Variants in KIF13A observed in about 807,000 individuals in gnomAD.
KIF13A encodes kinesin family member 13A, also known as kinesin-like protein KIF13A.
A neutral mutation model predicts 212.2 loss-of-function variants in KIF13A; 79 were observed. That is an observed-to-expected ratio of 0.37 (90% CI 0.31 to 0.45). KIF13A has a LOEUF of 0.45. Ranked by LOEUF, KIF13A falls within the 20% of genes least tolerant of loss-of-function variation. The pLI is 1.00. For synonymous variants in KIF13A, 789 were observed against 808.6 expected, an observed-to-expected ratio of 0.98 and a Z score of 0.41; for missense variants, 1,901 against 2,209.0, an observed-to-expected ratio of 0.86 and a Z score of 2.79.
chr6:17,975,409 T>G lies in KIF13A; in HGVS notation c.146+11645A>C, dbSNP rs144073626. ...ATCTTAAGTTGGCGCGTCTGGAGTT[T>G]TTTCCTTTTGGTGGGTTCGTGATCT... On this transcript the variant is annotated intron_variant, in intron 2 of 38. Transcript: ENST00000259711. 3.0e-3 allele frequency among the ~76,000 whole-genome samples: 450 copies of G among 152,218 alleles called. 5 individuals carry two copies. Among genetic ancestry groups the G allele is most frequent in the African/African-American group, 0.01 (422 of 41,542 alleles).
At chr6:17,868,179 A>T (rs1769604077) in intron 4 of KIF13A, among the ~76,000 whole-genome samples, 1 of 152,252 alleles carries the variant, frequency 6.6e-6, no homozygotes. Flanking sequence ...GAATGTTCAC[A>T]TCCACACTGA....
At chr6:17,804,682 G>A (rs149115523) in intron 19 of KIF13A, among the ~76,000 whole-genome samples, 172 bp from the exon 20 acceptor site, 3,825 of 151,384 alleles carry the variant, frequency 0.025, 78 homozygotes, top group Non-Finnish European at 0.035. Flanking sequence ...GCGTGGTGGC[G>A]CACGCCTGTG....
intron 38 of KIF13A, among the ~76,000 whole-genome samples, chr6:17,766,317 G>A (rs890237213): frequency 2.7e-5 from 4 of 150,884 alleles, no homozygotes; most frequent in Non-Finnish European, 4.4e-5. Context: ...TCGGCTCACC[G>A]CAACCTCCAT....
At chr6:17,801,657 CTA>C (rs1336333575) in intron 20 of KIF13A, among the ~76,000 whole-genome samples, 1 of 152,218 alleles carries the variant, frequency 6.6e-6, no homozygotes, top group East Asian at 1.9e-4. Context: ...AGGAACTGTG[CTA>C]TGAGCATCCA....
At chr6:17,806,298 G>GTA (rs1164696297) in intron 18 of KIF13A, among the ~76,000 whole-genome samples, 3 of 152,062 alleles carry the variant, frequency 2.0e-5, no homozygotes, top group Admixed American at 2.0e-4. Flanking sequence ...ATACATTTGA[G>GTA]TAATTATTCT....
At position 17,771,975 on chromosome 6, in the gene KIF13A, A is replaced by T; in HGVS notation, c.4409T>A (p.Leu1470Gln). The T allele has an allele frequency of 6.2e-7, 1 of 1,613,970 alleles. No homozygotes were observed. The highest frequency in any genetic ancestry group is 8.5e-7 in the Non-Finnish European group (1 of 1,179,860). ...SPQPPKFFKP[L>Q]MPVKEEHKKR... ...CTTATGCTCCTCTTTTACAGGCATTAGGGGCTTGAAAAACTTTGGTGGCTG... is the reference window on the plus strand; with the variant it reads ...CTTATGCTCCTCTTTTACAGGCATTTGGGGCTTGAAAAACTTTGGTGGCTG... Residue 1470 changes from leucine to glutamine, a missense_variant, in exon 37 of 39, where the codon CTA becomes CAA. Physicochemically the swap from Leu to Gln is moderately radical, Grantham distance 113 (BLOSUM62 -2). This residue lies in a region of KIF13A where 687 missense variants were observed against 759.1 expected (regional missense o/e 0.90). Coordinates refer to ENST00000259711, the MANE Select transcript of KIF13A (RefSeq NM_022113.6). The surrounding 1 kb of genome is among the most constrained non-coding windows in gnomAD (Gnocchi z 5.4).
At chr6:17,908,655 T>G (rs191265511) in intron 2 of KIF13A, among the ~76,000 whole-genome samples, 1 of 151,996 alleles carries the variant, frequency 6.6e-6, no homozygotes, top group East Asian at 1.9e-4. Flanking sequence ...TAAAAAATGC[T>G]AATCCTGATA....
At chr6:17,920,867 A>T (rs6459578) in intron 2 of KIF13A, among the ~76,000 whole-genome samples, 108,142 of 148,442 alleles carry the variant, frequency 0.73, 39,826 homozygotes, top group South Asian at 0.84. Context: ...GGGCAGGACT[A>T]TGTCTCAAAA....
At chr6:17,808,382 T>A (rs1181725252) in intron 18 of KIF13A, among the ~76,000 whole-genome samples, 1 of 97,638 alleles carries the variant, frequency 1.0e-5, no homozygotes, top group East Asian at 3.6e-4. Flanking sequence ...CAAGACTCAG[T>A]CTAAAAACAA....
Position 17,899,183 on chromosome 6 carries a change from T to G in KIF13A, c.147-1003A>C, listed in dbSNP as rs547273112. 6.6e-6 allele frequency among the ~76,000 whole-genome samples: 1 copy of G among 152,316 alleles called. No individual in the cohort carries two copies. The highest frequency in any genetic ancestry group is 1.9e-4 in the East Asian group (1 of 5,192). Reference sequence around the variant, plus strand: ...AGTTTGACTTGCTTTGTAAATATTTTCTTCATGTATAAAATTAAGGAGCTC... The same window carrying G: ...AGTTTGACTTGCTTTGTAAATATTTGCTTCATGTATAAAATTAAGGAGCTC... On this transcript the variant is annotated intron_variant, in intron 2 of 38. Coordinates refer to ENST00000259711, the MANE Select transcript of KIF13A (RefSeq NM_022113.6). This position sits in a 1 kb window ranked among gnomAD's most constrained non-coding sequence, Gnocchi z 5.2.
intron 2 of KIF13A, among the ~76,000 whole-genome samples, chr6:17,940,829 T>A (rs59372570): frequency 4.2e-4 from 62 of 146,970 alleles, no homozygotes; most frequent in South Asian, 6.3e-4. Context: ...TTTTTTTTTT[T>A]TTTTTTTTTT....
In KIF13A at chr6:17,872,119, G is replaced by A. The variant is rs1489385313; in HGVS notation, c.220+1258C>T. ...AGTTGTAGGAATGATATTTGGAAAG[G>A]CTAATTTACCCAGTGTGAGCAACTG... On this transcript the variant is annotated intron_variant, in intron 4 of 38. Transcript: ENST00000259711. This position sits in a 1 kb window ranked among gnomAD's most constrained non-coding sequence, Gnocchi z 4.7. Among the ~76,000 whole-genome samples the A allele has an allele frequency of 6.6e-6, 1 of 152,122 alleles. No individual in the cohort carries two copies. The highest frequency in any genetic ancestry group is 2.4e-5 in the African/African-American group (1 of 41,428).
At chr6:17,970,375 TGG>T (rs67272757) in intron 2 of KIF13A, among the ~76,000 whole-genome samples, 120,089 of 151,770 alleles carry the variant, frequency 0.79, 47,960 homozygotes, top group African/African-American at 0.89. Flanking sequence ...GCCAAGGCGG[TGG>T]GGATCACTTG....
intron 2 of KIF13A, among the ~76,000 whole-genome samples, chr6:17,911,642 C>T (rs1426321163): frequency 6.8e-6 from 1 of 147,138 alleles, no homozygotes; most frequent in Non-Finnish European, 1.5e-5. Flanking sequence ...GGATGGTTAC[C>T]AGAAGCTGGG....
intron 4 of KIF13A, among the ~76,000 whole-genome samples, chr6:17,862,688 C>A (rs1233795776): frequency 6.6e-6 from 1 of 151,984 alleles, no homozygotes; most frequent in Admixed American, 6.6e-5. Context: ...GTGGTTCATA[C>A]CTGTAATCCC....
chr6:17,828,188 T>C lies in KIF13A; in HGVS notation c.1532+52A>G. ...CAAACAGAAAGAGGCAGCCTTCTCC[T>C]TCTGAAAATAAGGCACACAAGACAC... On this transcript the variant is annotated intron_variant, in intron 14 of 38. Transcript: ENST00000259711. The surrounding 1 kb of genome is among the most constrained non-coding windows in gnomAD (Gnocchi z 4.3). The C allele has an allele frequency of 6.4e-7, 1 of 1,568,300 alleles. No homozygotes were observed. Among genetic ancestry groups the C allele is most frequent in the South Asian group, 1.2e-5 (1 of 84,466 alleles).
At chr6:17,858,256 G>C (rs1010001797) in intron 4 of KIF13A, among the ~76,000 whole-genome samples, 5 of 152,090 alleles carry the variant, frequency 3.3e-5, no homozygotes, top group African/African-American at 1.2e-4. Context: ...TAGATGTTTG[G>C]TAACTTCCAC....
At chr6:17,890,201 A>AG (rs1167674451) in intron 3 of KIF13A, among the ~76,000 whole-genome samples, 2 of 151,848 alleles carry the variant, frequency 1.3e-5, no homozygotes, top group East Asian at 3.9e-4. Context: ...AAAAAAAAAA[A>AG]AAAAATCTCT....
In KIF13A at chr6:17,772,208, G is replaced by A; in HGVS notation, c.4325-149C>T. On this transcript the variant is annotated intron_variant, in intron 36 of 38. Transcript: ENST00000259711. The surrounding 1 kb of genome is among the most constrained non-coding windows in gnomAD (Gnocchi z 4.8). ...TGGCTAAGCATTAAAACAGATGTAT[G>A]CCCACCCTGTGCAACATAGGGACAC... The A allele has an allele frequency of 1.4e-6, 1 of 695,952 alleles. No homozygotes were observed. Among genetic ancestry groups the A allele is most frequent in the Non-Finnish European group, 2.4e-6 (1 of 417,776 alleles). The allele number at this position is 695,952 out of a possible 1,614,324, so 43.1% of individuals were successfully genotyped here.
Sources: allele counts gnomAD v4.1 joint callset (sites outside exome capture counted in the v4.1 genomes callset), GRCh38; gene constraint gnomAD v4.1.1; regional missense constraint gnomAD v4.1.1; non-coding constraint Gnocchi (gnomAD v3.1); transcripts MANE v1.5; gene names NCBI Gene and HGNC (gene_info 2026-07-23, HGNC 2026-07-21).